The following DLGAP2 variants were observed in gnomAD, a reference collection of about 807,000 sequenced individuals.
DLGAP2 encodes the protein DLG associated protein 2.
A neutral mutation model predicts 100.3 loss-of-function variants in DLGAP2; 26 were observed. The ratio of observed to expected loss-of-function variants is 0.26; its 90% CI spans 0.19 to 0.36. DLGAP2 has a LOEUF of 0.36. Among genes scored for constraint, DLGAP2 ranks in the 10% least tolerant of loss-of-function variants. The probability of loss-of-function intolerance (pLI) is 1.00; values close to 1 mark genes in which losing one functional copy is unlikely to be tolerated. For synonymous variants in DLGAP2, 886 were observed against 630.1 expected (o/e 1.41, Z -6.08); for missense variants, 1,858 against 1,453.2 (o/e 1.28, Z -4.53).
intron 1 of DLGAP2, among the ~76,000 whole-genome samples, chr8:838,438 C>G (rs1276779981): frequency 6.6e-6 from 1 of 151,056 alleles, no homozygotes; most frequent in Non-Finnish European, 1.5e-5. Context: ...TTTAGTGCTC[C>G]CTGAAAAATT....
At position 1,163,532 on chromosome 8, in the gene DLGAP2, G is replaced by C. The variant is rs569251785; in HGVS notation, c.74-95319G>C. Among the ~76,000 whole-genome samples, 208 of 152,372 alleles carry C rather than the reference G, an allele frequency of 1.4e-3. 1 individual carries two copies. The highest frequency in any genetic ancestry group is 4.7e-3 in the African/African-American group (195 of 41,600). ...CAAAGACTCGGGAGCTGTAGGATTT[G>C]GGATTCATTAGCGAGTGTGAGCAAG... On this transcript the variant is annotated intron_variant, in intron 2 of 14. Coordinates refer to ENST00000637795, the MANE Select transcript of DLGAP2 (RefSeq NM_001346810.2).
intron 2 of DLGAP2, among the ~76,000 whole-genome samples, chr8:982,726 A>C (rs185895828): frequency 6.6e-6 from 1 of 152,124 alleles, no homozygotes; most frequent in East Asian, 1.9e-4. Context: ...TGACCTAACC[A>C]ATAAGTCTCT....
chr8:1,127,327 GA>G (rs1269172495), intron 2 of DLGAP2, among the ~76,000 whole-genome samples: 1 of 152,026 alleles, frequency 6.6e-6, no homozygotes, highest in Non-Finnish European at 1.5e-5. Context: ...CAGCCACCAT[GA>G]GGGGTCATGG....
intron 2 of DLGAP2, among the ~76,000 whole-genome samples, chr8:911,321 T>G (rs1798480411): frequency 6.6e-6 from 1 of 151,638 alleles, no homozygotes; most frequent in African/African-American, 2.4e-5. Flanking sequence ...GATGCGTGTA[T>G]ATGTTGGAAG....
chr8:1,498,031 GA>G (rs1437023285), intron 3 of DLGAP2, among the ~76,000 whole-genome samples: 4 of 152,212 alleles, frequency 2.6e-5, no homozygotes, highest in African/African-American at 9.6e-5. Context: ...ACTACCTGTA[GA>G]TGTACCTTGG....
At chr8:1,317,675 G>A (rs1416723183) in intron 3 of DLGAP2, among the ~76,000 whole-genome samples, 1 of 137,690 alleles carries the variant, frequency 7.3e-6, no homozygotes, top group African/African-American at 2.9e-5. Flanking sequence ...GCGTGTGCGA[G>A]TGCAGCGTCT....
At chr8:1,337,594 G>T (rs1002645509) in intron 3 of DLGAP2, among the ~76,000 whole-genome samples, 8 of 34,318 alleles carry the variant, frequency 2.3e-4, no homozygotes, top group African/African-American at 6.6e-4. Flanking sequence ...GGCATGCTTG[G>T]GTTCCTCATT....
intron 3 of DLGAP2, among the ~76,000 whole-genome samples, chr8:1,359,520 G>A (rs569130009): frequency 1.3e-5 from 2 of 152,264 alleles, no homozygotes; most frequent in Non-Finnish European, 2.9e-5. Flanking sequence ...GGGCAAGCTG[G>A]TTCGTGGGGA....
At chr8:1,254,735 G>C (rs1386316964) in intron 2 of DLGAP2, among the ~76,000 whole-genome samples, 1 of 152,156 alleles carries the variant, frequency 6.6e-6, no homozygotes, top group Non-Finnish European at 1.5e-5. Context: ...ATCCCTTTTG[G>C]GTTTCGGGGG....
chr8:1,473,703 T>C (rs1182824709), intron 3 of DLGAP2, among the ~76,000 whole-genome samples: 1 of 152,136 alleles, frequency 6.6e-6, no homozygotes, highest in Non-Finnish European at 1.5e-5. Context: ...TCCACTGTTG[T>C]GGGAGGGACC....
intron 4 of DLGAP2, among the ~76,000 whole-genome samples, chr8:1,526,808 T>A (rs11775451): frequency 2.6e-5 from 4 of 151,972 alleles, no homozygotes; most frequent in Admixed American, 1.3e-4. Flanking sequence ...TCCCAGAGAC[T>A]CCCCTACGTG....
intron 8 of DLGAP2, among the ~76,000 whole-genome samples, chr8:1,654,098 C>T (rs73672907): frequency 7.2e-5 from 11 of 152,242 alleles, no homozygotes; most frequent in African/African-American, 2.6e-4. Flanking sequence ...AGAATTAGCC[C>T]TCCCTTGAAA....
chr8:888,133 G>A (rs1007802732), intron 1 of DLGAP2, among the ~76,000 whole-genome samples: 5 of 151,902 alleles, frequency 3.3e-5, no homozygotes, highest in South Asian at 2.1e-4. Context: ...TTTCAGTAAC[G>A]TGATCTTCAA....
At chr8:788,183 G>A (rs7015256) in intron 1 of DLGAP2, among the ~76,000 whole-genome samples, 20,344 of 152,240 alleles carry the variant, frequency 0.13, 1,493 homozygotes, top group East Asian at 0.23. Context: ...AAGCTGGTAC[G>A]TCGCTCCCAA....
chr8:1,652,008 C>G (rs1798178254), intron 8 of DLGAP2, among the ~76,000 whole-genome samples: 1 of 152,206 alleles, frequency 6.6e-6, no homozygotes, highest in South Asian at 2.1e-4. Flanking sequence ...TCTGCAAGCC[C>G]CACTTGCCCA....
At chr8:1,589,252 TAC>T (rs1242591814) in intron 6 of DLGAP2, among the ~76,000 whole-genome samples, 4 of 152,234 alleles carry the variant, frequency 2.6e-5, no homozygotes, top group Admixed American at 1.3e-4. Context: ...AACCTATAAG[TAC>T]AGTTTTTCCA....
chr8:1,366,972 C>T (rs1439628407), intron 3 of DLGAP2, among the ~76,000 whole-genome samples: 1 of 151,666 alleles, frequency 6.6e-6, no homozygotes, highest in African/African-American at 2.4e-5. Context: ...AACACACACG[C>T]ACGTGACCAC....
intron 3 of DLGAP2, among the ~76,000 whole-genome samples, chr8:1,374,443 A>G (rs1180074216): frequency 6.6e-6 from 1 of 152,192 alleles, no homozygotes; most frequent in Non-Finnish European, 1.5e-5. Flanking sequence ...CCTTCTCTGT[A>G]GGATGATTGC....
chr8:1,372,678 A>G (rs1802273819), intron 3 of DLGAP2, among the ~76,000 whole-genome samples: 4 of 152,226 alleles, frequency 2.6e-5, no homozygotes, highest in Non-Finnish European at 5.9e-5. Context: ...GCTCTTCAAT[A>G]AGTTGGACAT....
Sources: allele counts gnomAD v4.1 joint callset (sites outside exome capture counted in the v4.1 genomes callset), GRCh38; gene constraint gnomAD v4.1.1; transcripts MANE v1.5; gene names NCBI Gene and HGNC (gene_info 2026-07-23, HGNC 2026-07-21).